The following RPS6KA2 variants were observed in gnomAD, a reference collection of about 807,000 sequenced individuals.
The protein encoded by RPS6KA2 is ribosomal protein S6 kinase alpha-2.
Under a neutral mutation model 91.8 loss-of-function variants are expected in RPS6KA2, and 42 were observed. The observed-to-expected ratio is 0.46, with a 90% CI of 0.36 to 0.59. The LOEUF (loss-of-function observed/expected upper bound fraction) is 0.59, where lower values mean the gene tolerates loss of function less well. Among genes scored for constraint, RPS6KA2 ranks in the 20% least tolerant of loss-of-function variants. The pLI is 0.00. For synonymous variants in RPS6KA2, 414 were observed against 393.6 expected (o/e 1.05, Z -0.61); for missense variants, 798 against 978.5 (o/e 0.82, Z 2.46).
Position 166,500,938 on chromosome 6 carries a change from A to G in RPS6KA2, c.567-14T>C. ...TCCAGGAGGATGCTAAAAGAAAGGG[A>G]GAGAAAACAGATGCTTTAGAAAGAG... is the stretch of plus-strand genomic sequence containing the variant. On this transcript the variant is annotated splice_polypyrimidine_tract_variant and intron_variant, in intron 6 of 20. Coordinates refer to ENST00000265678, the MANE Select transcript of RPS6KA2 (RefSeq NM_021135.6). The surrounding 1 kb of genome is among the most constrained non-coding windows in gnomAD (Gnocchi z 4.3). 6.2e-7 allele frequency: 1 copy of G among 1,613,024 alleles called. No homozygotes were observed. The highest frequency in any genetic ancestry group is 8.5e-7 in the Non-Finnish European group (1 of 1,179,114).
At position 166,627,097 on chromosome 6, in the gene RPS6KA2, C is replaced by A; in HGVS notation, c.-78G>T. 8.2e-7 allele frequency: 1 copy of A among 1,215,196 alleles called. No individual in the cohort carries two copies. The highest frequency in any genetic ancestry group is 3.5e-5 in the East Asian group (1 of 28,810). 75.3% of individuals were successfully genotyped at this position (1,215,196 alleles called of 1,614,324 possible). A position where few individuals can be genotyped will look rare whatever the true frequency, so the allele number is the denominator to read the frequency against. On this transcript the variant is annotated 5_prime_UTR_variant, in exon 1 of 21. Coordinates refer to ENST00000265678, the MANE Select transcript of RPS6KA2 (RefSeq NM_021135.6). Reference sequence around the variant, plus strand: ...GCATCCCAGGCGCGGGGCTCAGGTCCGCGGGCGGGCACGCGTGGCCAGGGA... The same window carrying A: ...GCATCCCAGGCGCGGGGCTCAGGTCAGCGGGCGGGCACGCGTGGCCAGGGA...
intron 2 of RPS6KA2, among the ~76,000 whole-genome samples, chr6:166,712,944 A>G (rs1789907243): frequency 6.6e-6 from 1 of 152,076 alleles, no homozygotes; most frequent in Non-Finnish European, 1.5e-5. Flanking sequence ...CAGGGAGACC[A>G]CTCTGTGAAG....
intron 2 of RPS6KA2, among the ~76,000 whole-genome samples, chr6:166,769,806 C>T (rs16899429): frequency 0.24 from 35,764 of 152,128 alleles, 4,443 homozygotes; most frequent in East Asian, 0.33. Flanking sequence ...CAGGCCCCAG[C>T]GACGGGGCTG....
chr6:166,477,962 G>C (rs1781039052), intron 10 of RPS6KA2, among the ~76,000 whole-genome samples: 1 of 152,250 alleles, frequency 6.6e-6, no homozygotes, highest in South Asian at 2.1e-4. Flanking sequence ...TTCGATTGCT[G>C]CAAGAATAGA....
At chr6:166,694,748 C>T (rs1356603581) in intron 2 of RPS6KA2, among the ~76,000 whole-genome samples, 2 of 152,172 alleles carry the variant, frequency 1.3e-5, no homozygotes, top group Non-Finnish European at 2.9e-5. Flanking sequence ...GGAAACATAC[C>T]ACAAAGCATA....
At chr6:166,678,770 C>G (rs1271157858) in intron 2 of RPS6KA2, among the ~76,000 whole-genome samples, 1 of 152,228 alleles carries the variant, frequency 6.6e-6, no homozygotes, top group African/African-American at 2.4e-5. Context: ...AACGTGGCCT[C>G]TGAAGTCTCG....
intron 10 of RPS6KA2, among the ~76,000 whole-genome samples, chr6:166,483,643 G>C (rs1300737256): frequency 1.3e-5 from 2 of 152,204 alleles, no homozygotes; most frequent in Non-Finnish European, 2.9e-5. Context: ...AATAAGAGAA[G>C]CTCATACATG....
intron 2 of RPS6KA2, among the ~76,000 whole-genome samples, chr6:166,735,545 G>A (rs1790651336): frequency 6.6e-6 from 1 of 152,134 alleles, no homozygotes; most frequent in African/African-American, 2.4e-5. Flanking sequence ...AGAATCAGTG[G>A]GAGTCCTAAG....
At chr6:166,531,911 T>C (rs574428021) in intron 2 of RPS6KA2, among the ~76,000 whole-genome samples, 20 of 152,322 alleles carry the variant, frequency 1.3e-4, no homozygotes, top group African/African-American at 4.3e-4. Flanking sequence ...AATTGAGAGC[T>C]TGAGTTTAAA....
At chr6:166,827,002 G>A (rs1780062603) in intron 2 of RPS6KA2, among the ~76,000 whole-genome samples, 1 of 152,142 alleles carries the variant, frequency 6.6e-6, no homozygotes, top group Non-Finnish European at 1.5e-5. Flanking sequence ...GTAGAATTGT[G>A]GTTAGTAAGG....
At position 166,412,938 on chromosome 6, in the gene RPS6KA2, T is replaced by TGAGCCG. The variant is rs1778363721; in HGVS notation, c.2077-57_2077-52dup. The TGAGCCG allele has an allele frequency of 6.7e-7, 1 of 1,501,406 alleles. No individual in the cohort carries two copies. The allele number at this position is 1,501,406 out of a possible 1,614,324, so 93.0% of individuals were successfully genotyped here. A position where few individuals can be genotyped will look rare whatever the true frequency, so the allele number is the denominator to read the frequency against. On this transcript the variant is annotated intron_variant, in intron 20 of 20. Coordinates refer to ENST00000265678, the MANE Select transcript of RPS6KA2 (RefSeq NM_021135.6). The surrounding 1 kb of genome is among the most constrained non-coding windows in gnomAD (Gnocchi z 4.3). The stretch of plus-strand genomic sequence containing the variant: ...AGCCGCGGCGCCTCACTCCAGGGGT[T>TGAGCCG]GAGCCGGAGCCCGGGGCCTCCATGG...
chr6:166,671,238 A>C (rs1788463553), intron 2 of RPS6KA2, among the ~76,000 whole-genome samples: 1 of 152,246 alleles, frequency 6.6e-6, no homozygotes, highest in African/African-American at 2.4e-5. Flanking sequence ...ATTAAAATTC[A>C]GGCTGAGGGA....
intron 2 of RPS6KA2, among the ~76,000 whole-genome samples, chr6:166,811,039 A>G (rs1050539013): frequency 1.3e-5 from 2 of 152,236 alleles, no homozygotes; most frequent in Non-Finnish European, 2.9e-5. Flanking sequence ...CAGACAGCAC[A>G]GTTTCTTAAG....
chr6:166,800,341 G>A (rs1028191354), intron 2 of RPS6KA2, among the ~76,000 whole-genome samples: 8 of 152,300 alleles, frequency 5.3e-5, no homozygotes, highest in Admixed American at 1.3e-4. Context: ...ACAGTTCTGC[G>A]GCACAGTCTA....
intron 2 of RPS6KA2, among the ~76,000 whole-genome samples, chr6:166,841,407 G>C (rs1352833838): frequency 6.6e-6 from 1 of 152,268 alleles, no homozygotes; most frequent in Non-Finnish European, 1.5e-5. Context: ...TGCTGCACCT[G>C]CTCTTTCAAA....
At chr6:166,632,968 A>G (rs891542643) in intron 2 of RPS6KA2, among the ~76,000 whole-genome samples, 25 of 152,198 alleles carry the variant, frequency 1.6e-4, no homozygotes, top group Admixed American at 1.3e-4. Flanking sequence ...CAATCCCAGC[A>G]TTTCGGGAGG....
At chr6:166,674,524 C>T (rs547607736) in intron 2 of RPS6KA2, among the ~76,000 whole-genome samples, 286 of 152,114 alleles carry the variant, frequency 1.9e-3, no homozygotes, top group Middle Eastern at 3.4e-3. Flanking sequence ...AGAGGGAGAC[C>T]GGGTGAGGAA....
At chr6:166,716,857 C>G (rs140345492) in intron 2 of RPS6KA2, among the ~76,000 whole-genome samples, 1 of 151,600 alleles carries the variant, frequency 6.6e-6, no homozygotes, top group Non-Finnish European at 1.5e-5. Context: ...AAATTTAAAA[C>G]TTTCGGATGT....
rs763192 is a variant in RPS6KA2, at chr6:166,648,055, T to G, written c.124-109271A>C. On this transcript the variant is annotated intron_variant, in intron 2 of 21. Coordinates refer to the RPS6KA2 transcript ENST00000503859. The surrounding 1 kb of genome is among the most constrained non-coding windows in gnomAD (Gnocchi z 4.8). ...ACACATGCTCTCACACACATGCACA[T>G]GCTCACACACATGCACACGCACATG... Among the ~76,000 whole-genome samples, 2 of 141,016 alleles carry G rather than the reference T, an allele frequency of 1.4e-5. No homozygotes were observed. Among genetic ancestry groups the G allele is most frequent in the African/African-American group, 5.5e-5 (2 of 36,664 alleles). The allele number at this position is 141,016 out of a possible 152,430, so 92.5% of individuals were successfully genotyped here.
Sources: gnomAD v4.1 joint callset for allele counts (sites outside exome capture counted in the v4.1 genomes callset) on GRCh38, gnomAD v4.1.1 for gene constraint, Gnocchi (gnomAD v3.1) non-coding constraint, MANE v1.5 for transcripts, NCBI Gene and HGNC (gene_info 2026-07-23, HGNC 2026-07-21) for gene names.